Variants in FBXL4 observed in about 807,000 individuals in gnomAD.
FBXL4 encodes F-box/LRR-repeat protein 4.
Under a neutral mutation model 58.9 loss-of-function variants are expected in FBXL4, and 40 were observed. The ratio of observed to expected loss-of-function variants is 0.68; its 90% CI spans 0.53 to 0.88. The LOEUF (loss-of-function observed/expected upper bound fraction) is 0.88, where lower values mean the gene tolerates loss of function less well. Among genes scored for constraint, FBXL4 ranks in the 40% least tolerant of loss-of-function variants. The pLI, the probability that FBXL4 is intolerant of heterozygous loss-of-function variation, is 0.00. For missense variants in FBXL4, 676 were observed against 734.4 expected (o/e 0.92, Z 0.92); for synonymous variants, 263 against 265.5 (o/e 0.99, Z 0.09).
intron 5 of FBXL4, among the ~76,000 whole-genome samples, chr6:98,914,572 T>A (rs527569771): frequency 6.6e-6 from 1 of 152,238 alleles, no homozygotes; most frequent in East Asian, 1.9e-4. Context: ...AAAAACCACA[T>A]GATTATCTCA....
At chr6:98,905,773 A>T in intron 5 of FBXL4, 103 bp from the exon 6 acceptor site, 1 of 1,167,486 alleles carries the variant, frequency 8.6e-7, no homozygotes, top group Non-Finnish European at 1.2e-6. Flanking sequence ...CATACATTTT[A>T]TAACAATATT....
chr6:98,942,400 C>A, intron 1 of FBXL4, among the ~76,000 whole-genome samples: 1 of 152,110 alleles, frequency 6.6e-6, no homozygotes, highest in Non-Finnish European at 1.5e-5. Context: ...GAAATGTAAT[C>A]CCCAGTGCTG....
intron 5 of FBXL4, among the ~76,000 whole-genome samples, chr6:98,909,106 T>C (rs1771931194): frequency 6.6e-6 from 1 of 152,248 alleles, no homozygotes. Flanking sequence ...ATTTTCCTAC[T>C]CTAGGGCATG....
chr6:98,911,829 T>C (rs971526525), intron 5 of FBXL4, among the ~76,000 whole-genome samples: 1 of 152,228 alleles, frequency 6.6e-6, no homozygotes, highest in African/African-American at 2.4e-5. Context: ...GGACGGAGAA[T>C]GACTTTGACG....
rs571464750 is a variant in FBXL4, at chr6:98,880,297, T to C, written c.1389+256A>G. On this transcript the variant is annotated intron_variant, in intron 8 of 9. Coordinates refer to ENST00000369244, the MANE Select transcript of FBXL4 (RefSeq NM_001278716.2). Reference sequence around the variant, plus strand: ...TGATTAGCTTGTCGGAGACAACATCTGGCTTGAGGCAGAACTATACTCTAT... The same window carrying C: ...TGATTAGCTTGTCGGAGACAACATCCGGCTTGAGGCAGAACTATACTCTAT... Among the ~76,000 whole-genome samples the C allele has an allele frequency of 4.3e-4, 66 of 152,332 alleles. 1 individual carries two copies. Among genetic ancestry groups the C allele is most frequent in the Middle Eastern group, 6.8e-3 (2 of 294 alleles).
chr6:98,937,534 C>T (rs1212804241), intron 1 of FBXL4, among the ~76,000 whole-genome samples: 1 of 152,056 alleles, frequency 6.6e-6, no homozygotes, highest in Non-Finnish European at 1.5e-5. Flanking sequence ...CAAAGGTCTT[C>T]GATCTGATCT....
intron 7 of FBXL4, among the ~76,000 whole-genome samples, chr6:98,889,521 A>C (rs1464185231): frequency 6.6e-6 from 1 of 152,036 alleles, no homozygotes; most frequent in Non-Finnish European, 1.5e-5. Context: ...TCTCTACAAA[A>C]AATACAAAAA....
intron 5 of FBXL4, among the ~76,000 whole-genome samples, chr6:98,908,861 T>A (rs1771919903): frequency 6.6e-6 from 1 of 152,134 alleles, no homozygotes; most frequent in Non-Finnish European, 1.5e-5. Flanking sequence ...ATATCAATAG[T>A]CCTCCAAGTA....
chr6:98,916,901 G>T (rs1030767973), intron 5 of FBXL4, among the ~76,000 whole-genome samples: 1 of 149,606 alleles, frequency 6.7e-6, no homozygotes, highest in African/African-American at 2.5e-5. Context: ...TTACAGTTAG[G>T]AGAATATAGA....
chr6:98,893,733 G>A (rs1771313331), intron 7 of FBXL4, among the ~76,000 whole-genome samples: 1 of 151,882 alleles, frequency 6.6e-6, no homozygotes. Context: ...ATATTCAAAT[G>A]GTTCACTAAA....
At chr6:98,914,104 A>T (rs2128398990) in intron 5 of FBXL4, among the ~76,000 whole-genome samples, 1 of 152,352 alleles carries the variant, frequency 6.6e-6, no homozygotes, top group African/African-American at 2.4e-5. Flanking sequence ...CACTCTCCCA[A>T]GGCTAAACCA....
chr6:98,903,980 T>C (rs893129731), intron 6 of FBXL4, among the ~76,000 whole-genome samples: 7 of 152,122 alleles, frequency 4.6e-5, no homozygotes, highest in Non-Finnish European at 5.9e-5. Context: ...ACACAAAGGG[T>C]GAAAACAAAC....
intron 9 of FBXL4, 35 bp from the exon 10 acceptor site, chr6:98,874,476 C>CAA: frequency 6.3e-7 from 1 of 1,583,346 alleles, no homozygotes; most frequent in Non-Finnish European, 8.6e-7. Context: ...CAAAACAAAA[C>CAA]ACCTTAAGTA....
chr6:98,920,340 T>C (rs1053038714), intron 4 of FBXL4, among the ~76,000 whole-genome samples: 5 of 152,160 alleles, frequency 3.3e-5, no homozygotes, highest in African/African-American at 1.2e-4. Context: ...AGCATCATTC[T>C]TGCTTCTGAC....
At chr6:98,889,600 G>A (rs920511714) in intron 7 of FBXL4, among the ~76,000 whole-genome samples, 2 of 148,896 alleles carry the variant, frequency 1.3e-5, no homozygotes, top group Non-Finnish European at 3.0e-5. Context: ...AGGATCACTT[G>A]AACCTGGCAG....
At chr6:98,935,246 A>T (rs909526782) in intron 1 of FBXL4, among the ~76,000 whole-genome samples, 1 of 140,758 alleles carries the variant, frequency 7.1e-6, no homozygotes. Context: ...CAGAAAAAGG[A>T]ACTGAAGGAA....
At chr6:98,880,461 G>A in intron 8 of FBXL4, 92 bp downstream of exon 8, 2 of 982,036 alleles carry the variant, frequency 2.0e-6, no homozygotes, top group Non-Finnish European at 3.2e-6. Flanking sequence ...CTGTGGGTGT[G>A]TGTGGGGTAG....
intron 5 of FBXL4, among the ~76,000 whole-genome samples, chr6:98,913,303 A>C (rs1169074545): frequency 1.3e-5 from 2 of 152,142 alleles, no homozygotes; most frequent in African/African-American, 4.8e-5. Context: ...CAGAAATTGA[A>C]CTCAGCTCGG....
chr6:98,939,204 G>A (rs571886525), intron 1 of FBXL4, among the ~76,000 whole-genome samples: 3 of 151,762 alleles, frequency 2.0e-5, no homozygotes, highest in Admixed American at 2.0e-4. Flanking sequence ...CATTTAAGCA[G>A]ATATCCTTTC....
Sources: allele counts gnomAD v4.1 joint callset (sites outside exome capture counted in the v4.1 genomes callset), GRCh38; gene constraint gnomAD v4.1.1; transcripts MANE v1.5; gene names NCBI Gene and HGNC (gene_info 2026-07-23, HGNC 2026-07-21).